CUL3: variants seen among roughly 807,000 people sequenced by gnomAD.
CUL3 encodes cullin 3.
In CUL3, 19 loss-of-function variants were observed where a neutral mutation model predicts 89.1. The ratio of observed to expected loss-of-function variants is 0.21; its 90% CI spans 0.15 to 0.31. CUL3 has a LOEUF of 0.31. CUL3 is among the 10% of genes least tolerant of loss of function. The pLI is 1.00. For synonymous variants in CUL3, 351 were observed against 308.4 expected (o/e 1.14, Z -1.45); for missense variants, 469 against 942.3 (o/e 0.50, Z 6.58).
rs1425359901 is a variant in CUL3 at position 224,485,968 on chromosome 2, A to T, written c.1843-3890T>A. ...CTCCACTGGTGATACGTAGGTGAAC[A>T]GGGTCTGGAGTGGACCTCCAGCAAA... is the stretch of plus-strand genomic sequence containing the variant. On this transcript the variant is annotated intron_variant, in intron 13 of 15. Coordinates refer to ENST00000264414, the MANE Select transcript of CUL3 (RefSeq NM_003590.5). This position sits in a 1 kb window ranked among gnomAD's most constrained non-coding sequence, Gnocchi z 4.1. Among the ~76,000 whole-genome samples, 1 of 152,268 alleles carries T rather than the reference A, an allele frequency of 6.6e-6. No homozygotes were observed. Among genetic ancestry groups the T allele is most frequent in the African/African-American group, 2.4e-5 (1 of 41,478 alleles).
chr2:224,511,311 G>A (rs758483198), intron 6 of CUL3, 43 bp downstream of exon 6: 5 of 1,369,414 alleles, frequency 3.7e-6, no homozygotes, highest in Non-Finnish European at 5.0e-6. Context: ...ATATCGATAA[G>A]GCAGAGTAAG....
intron 3 of CUL3, among the ~76,000 whole-genome samples, chr2:224,516,155 T>C (rs1178180478): frequency 6.6e-6 from 1 of 152,162 alleles, no homozygotes; most frequent in East Asian, 1.9e-4. Context: ...ACATTCTATA[T>C]AATCTCAGCA....
chr2:224,535,447 G>A, intron 3 of CUL3, 81 bp downstream of exon 3: 1 of 917,696 alleles, frequency 1.1e-6, no homozygotes, highest in Non-Finnish European at 1.6e-6. Flanking sequence ...TGGGATTACA[G>A]GCGTGAGCCA....
intron 3 of CUL3, among the ~76,000 whole-genome samples, chr2:224,515,209 GATAA>G (rs1302058234): frequency 6.6e-6 from 1 of 152,134 alleles, no homozygotes; most frequent in African/African-American, 2.4e-5. Flanking sequence ...GATTGTTACT[GATAA>G]ATATTTAAAA....
At chr2:224,503,390 A>G (rs1692465711) in intron 9 of CUL3, among the ~76,000 whole-genome samples, 1 of 152,164 alleles carries the variant, frequency 6.6e-6, no homozygotes, top group African/African-American at 2.4e-5. Flanking sequence ...TAGCCTCTTT[A>G]TTGTTTCCCT....
chr2:224,535,389 C>G, intron 3 of CUL3, 139 bp downstream of exon 3: 1 of 519,698 alleles, frequency 1.9e-6, no homozygotes, highest in South Asian at 2.3e-5. Flanking sequence ...AGGCTGGTCT[C>G]AATGTCCTGA....
intron 2 of CUL3, among the ~76,000 whole-genome samples, chr2:224,551,462 C>T: frequency 6.6e-6 from 1 of 151,990 alleles, no homozygotes; most frequent in East Asian, 1.9e-4. Context: ...ACCTGGGCCT[C>T]CCAAAGTGCT....
rs11428046 is a variant in CUL3, at chr2:224,505,138, G to GTTT, written c.1206+815_1206+817dup. On this transcript the variant is annotated intron_variant, in intron 8 of 15. Transcript: ENST00000264414. Reference sequence around the variant, plus strand: ...CCAACTACAGCTGTGTAGTTGTTCAGTTTTTTTTTTTTTTTTGAGACGGAG... The same window carrying GTTT: ...CCAACTACAGCTGTGTAGTTGTTCAGTTTTTTTTTTTTTTTTTTTGAGACGGAG... Among the ~76,000 whole-genome samples the GTTT allele has an allele frequency of 1.2e-4, 16 of 137,712 alleles. 1 individual carries two copies. Among genetic ancestry groups the GTTT allele is most frequent in the East Asian group, 2.1e-4 (1 of 4,706 alleles). 90.3% of individuals were successfully genotyped at this position (137,712 alleles called of 152,430 possible).
At chr2:224,552,468 A>G (rs1046694120) in intron 2 of CUL3, among the ~76,000 whole-genome samples, 6 of 152,196 alleles carry the variant, frequency 3.9e-5, no homozygotes, top group African/African-American at 1.4e-4. Flanking sequence ...GAGAAACAGT[A>G]CTTATATTTT....
rs1692152867 is a variant in CUL3, at chr2:224,495,870, A to G, written c.1804T>C (p.Leu602=). Residue 602 remains leucine, a synonymous_variant, in exon 13 of 16, where the codon TTA becomes CTA. Transcript: ENST00000264414. ...TTTTCTCTATTATTAAAGAGCATTA[A>G]TATGGTCATCTGGAAAGTGGAAACT... ...LQVSTFQMTI[L]MLFNNREKYT... is the part of the protein sequence containing the mutation. 6.2e-7 allele frequency: 1 copy of G among 1,612,918 alleles called. No individual in the cohort carries two copies. Among genetic ancestry groups the G allele is most frequent in the Admixed American group, 1.7e-5 (1 of 60,018 alleles).
chr2:224,572,384 C>T (rs938497851), intron 1 of CUL3, among the ~76,000 whole-genome samples: 1 of 151,942 alleles, frequency 6.6e-6, no homozygotes, highest in African/African-American at 2.4e-5. Flanking sequence ...GCAGCTCACG[C>T]CTGTAATCCT....
chr2:224,543,762 T>C (rs572905156), intron 2 of CUL3, among the ~76,000 whole-genome samples: 2 of 152,252 alleles, frequency 1.3e-5, no homozygotes, highest in Admixed American at 6.5e-5. Context: ...GTGGGCACAA[T>C]GGCTTGAGCT....
At chr2:224,488,359 A>T (rs1691820652) in intron 13 of CUL3, among the ~76,000 whole-genome samples, 1 of 152,188 alleles carries the variant, frequency 6.6e-6, no homozygotes, top group South Asian at 2.1e-4. Context: ...ATTAAAAAAT[A>T]GATAAGACTG....
intron 10 of CUL3, 124 bp downstream of exon 10, chr2:224,502,841 T>G: frequency 1.5e-6 from 1 of 677,158 alleles, no homozygotes; most frequent in Non-Finnish European, 2.6e-6. Context: ...TACTCACAGA[T>G]AAAACACATG....
chr2:224,544,906 T>C (rs1448972405), intron 2 of CUL3, among the ~76,000 whole-genome samples: 1 of 152,088 alleles, frequency 6.6e-6, no homozygotes, highest in Non-Finnish European at 1.5e-5. Flanking sequence ...CTGCTATTTT[T>C]ACAGAAGTCA....
chr2:224,583,934 T>A (rs1167562962), intron 1 of CUL3, among the ~76,000 whole-genome samples: 1 of 152,234 alleles, frequency 6.6e-6, no homozygotes, highest in Non-Finnish European at 1.5e-5. Context: ...TTTCTCTAAT[T>A]TTACTTTTTA....
chr2:224,489,097 T>C (rs933651559), intron 13 of CUL3, among the ~76,000 whole-genome samples: 5 of 151,790 alleles, frequency 3.3e-5, no homozygotes, highest in African/African-American at 1.2e-4. Flanking sequence ...AACTAGGTAT[T>C]GAACATATCT....
At chr2:224,501,735 T>A (rs1331836838) in intron 10 of CUL3, among the ~76,000 whole-genome samples, 2 of 152,178 alleles carry the variant, frequency 1.3e-5, no homozygotes, top group Non-Finnish European at 2.9e-5. Flanking sequence ...GGTGGAGAAC[T>A]GTTTATACAT....
intron 13 of CUL3, among the ~76,000 whole-genome samples, chr2:224,483,300 T>C (rs576774434): frequency 6.6e-6 from 1 of 152,266 alleles, no homozygotes; most frequent in East Asian, 1.9e-4. Flanking sequence ...TTACAGATCA[T>C]CCCAAGAGGT....
Sources: gnomAD v4.1 joint callset for allele counts (sites outside exome capture counted in the v4.1 genomes callset) on GRCh38, gnomAD v4.1.1 for gene constraint, Gnocchi (gnomAD v3.1) non-coding constraint, MANE v1.5 for transcripts, NCBI Gene and HGNC (gene_info 2026-07-23, HGNC 2026-07-21) for gene names.